WARS2: variants seen among roughly 807,000 people sequenced by gnomAD.
WARS2 encodes the protein tryptophan--tRNA ligase, mitochondrial.
In WARS2, 28 loss-of-function variants were observed where a neutral mutation model predicts 36.5. That is an observed-to-expected ratio of 0.77 (90% CI 0.57 to 1.05). The LOEUF is 1.05. Among genes scored for constraint, WARS2 ranks in the 50% least tolerant of loss-of-function variants. The pLI, the probability that WARS2 is intolerant of heterozygous loss-of-function variation, is 0.00. For missense variants in WARS2, 435 were observed against 456.8 expected, an observed-to-expected ratio of 0.95 and a Z score of 0.44; for synonymous variants, 174 against 178.4, an observed-to-expected ratio of 0.98 and a Z score of 0.20.
At chr1:119,042,933 T>C (rs1182091677) in intron 3 of WARS2, among the ~76,000 whole-genome samples, 3 of 152,220 alleles carry the variant, frequency 2.0e-5, no homozygotes, top group Non-Finnish European at 2.9e-5. Flanking sequence ...TGATTAAGCA[T>C]GCTGAAGCAG....
At position 119,039,625 on chromosome 1, in the gene WARS2, T is replaced by A. The variant is rs572556424; in HGVS notation, c.515+2639A>T. On this transcript the variant is annotated intron_variant, in intron 4 of 5. Coordinates refer to ENST00000235521, the MANE Select transcript of WARS2 (RefSeq NM_015836.4). ...GTATTCAAATTTCTTGTACTTATCA[T>A]ACTCTCAAGCTGAAGATGGTCTCAG... Among the ~76,000 whole-genome samples the A allele has an allele frequency of 3.9e-5, 6 of 152,312 alleles. No homozygotes were observed. In the South Asian group the frequency reaches 1.2e-3, roughly 32 times the overall value.
Position 119,084,499 on chromosome 1 carries a change from A to C in WARS2, c.91-7892T>G, listed in dbSNP as rs180707638. Among the ~76,000 whole-genome samples the C allele has an allele frequency of 8.1e-3, 1,238 of 152,324 alleles. 7 individuals are homozygous for C. Among genetic ancestry groups the C allele is most frequent in the Admixed American group, 0.014 (217 of 15,300 alleles). On this transcript the variant is annotated intron_variant, in intron 1 of 5. Coordinates refer to ENST00000235521, the MANE Select transcript of WARS2 (RefSeq NM_015836.4). ...CGTTGCAAGGAAAAAACTTGGAAAG[A>C]GGCCAATCAAACAAAAAAGTTGTAA...
intron 4 of WARS2, among the ~76,000 whole-genome samples, chr1:119,034,650 C>T (rs1647718568): frequency 6.6e-6 from 1 of 152,194 alleles, no homozygotes; most frequent in South Asian, 2.1e-4. Flanking sequence ...AAATCAAAGG[C>T]AGCAGAAAGT....
At chr1:119,114,436 A>G (rs1474385201) in intron 1 of WARS2, among the ~76,000 whole-genome samples, 1 of 152,232 alleles carries the variant, frequency 6.6e-6, no homozygotes, top group Non-Finnish European at 1.5e-5. Flanking sequence ...GAAGAAAATA[A>G]TAACAAGAAA....
chr1:119,130,876 A>G (rs950586788), intron 1 of WARS2, among the ~76,000 whole-genome samples: 52 of 152,088 alleles, frequency 3.4e-4, no homozygotes, highest in African/African-American at 1.2e-3. Flanking sequence ...CCTGTCTTTC[A>G]TGACTGGTGG....
chr1:119,091,033 A>ATT (rs1653009065), intron 1 of WARS2, among the ~76,000 whole-genome samples: 1 of 152,230 alleles, frequency 6.6e-6, no homozygotes, highest in Admixed American at 6.5e-5. Flanking sequence ...AAGACAGACA[A>ATT]TGTTAAATGA....
intron 1 of WARS2, among the ~76,000 whole-genome samples, chr1:119,132,981 A>T (rs985226605): frequency 2.6e-5 from 4 of 152,178 alleles, no homozygotes; most frequent in African/African-American, 9.7e-5. Flanking sequence ...CTTCTTGAAG[A>T]AAGCACTCTA....
intron 2 of WARS2, among the ~76,000 whole-genome samples, chr1:119,052,929 A>G (rs1489001091): frequency 6.6e-6 from 1 of 152,258 alleles, no homozygotes; most frequent in Non-Finnish European, 1.5e-5. Flanking sequence ...TAGAGCAAAC[A>G]TGCAATGGCT....
intron 1 of WARS2, chr1:119,085,366 C>T: frequency 2.2e-6 from 3 of 1,374,626 alleles, no homozygotes; most frequent in African/African-American, 2.9e-5. Context: ...TTCTTAGGGC[C>T]AGGGTTGTCC....
intron 2 of WARS2, among the ~76,000 whole-genome samples, chr1:119,057,622 T>C (rs896498267): frequency 1.3e-5 from 2 of 151,822 alleles, no homozygotes; most frequent in Non-Finnish European, 2.9e-5. Flanking sequence ...AAACCCCGTC[T>C]CTACTAACAA....
rs1267359330 is a variant in WARS2 at position 119,059,406 on chromosome 1, C to T, written c.349-13744G>A. Among the ~76,000 whole-genome samples, 3 of 152,038 alleles carry T rather than the reference C, an allele frequency of 2.0e-5. No homozygotes were observed. The East Asian group carries it at 5.8e-4, about 29-fold the overall frequency. ...ATTCCTATGTCCTGAATGGTAATGC[C>T]TAGGTTTTCTTCTAGGGTTTTTATG... is the stretch of plus-strand genomic sequence containing the variant. On this transcript the variant is annotated intron_variant, in intron 2 of 5. Coordinates refer to ENST00000235521, the MANE Select transcript of WARS2 (RefSeq NM_015836.4).
chr1:119,066,292 T>C (rs6693390), intron 2 of WARS2, among the ~76,000 whole-genome samples: 123,611 of 151,788 alleles, frequency 0.81, 50,721 homozygotes, highest in East Asian at 0.9. Flanking sequence ...TCCTGGCTAA[T>C]ACGGTGAAAC....
chr1:119,047,907 AATTCTAAAAGGTGC>A (rs1648992408), intron 2 of WARS2, among the ~76,000 whole-genome samples: 1 of 152,238 alleles, frequency 6.6e-6, no homozygotes, highest in Non-Finnish European at 1.5e-5. Flanking sequence ...TCAGACCTCT[AATTCTAAAAGGTGC>A]ATTCTTCAGT....
chr1:119,115,970 C>T (rs1478092436), intron 1 of WARS2, among the ~76,000 whole-genome samples: 3 of 152,174 alleles, frequency 2.0e-5, no homozygotes, highest in Non-Finnish European at 2.9e-5. Flanking sequence ...AAGACTCTCA[C>T]ACCCTCACTA....
At chr1:119,100,989 T>C (rs1325848919) in intron 1 of WARS2, among the ~76,000 whole-genome samples, 1 of 152,124 alleles carries the variant, frequency 6.6e-6, no homozygotes, top group Non-Finnish European at 1.5e-5. Flanking sequence ...CTCACTCATA[T>C]GTAGGAGCTA....
intron 1 of WARS2, among the ~76,000 whole-genome samples, chr1:119,107,102 CTTTG>C (rs1165632221): frequency 2.0e-5 from 3 of 152,036 alleles, no homozygotes; most frequent in East Asian, 1.9e-4. Flanking sequence ...ATCTGTATAT[CTTTG>C]TTTAAGTGTC....
At chr1:119,061,650 G>A (rs915868064) in intron 2 of WARS2, among the ~76,000 whole-genome samples, 2 of 151,998 alleles carry the variant, frequency 1.3e-5, no homozygotes, top group African/African-American at 4.8e-5. Flanking sequence ...GCATTAAAGT[G>A]TTCACAGGTT....
At position 119,087,595 on chromosome 1, in the gene WARS2, T is replaced by C. The variant is rs1652764560; in HGVS notation, c.91-10988A>G. ...AAATTGTTTCTGTGGGAAAGTGGAATCCGAGGTCCATTTTGGACACCAGAA... is the reference window on the plus strand; with the variant it reads ...AAATTGTTTCTGTGGGAAAGTGGAACCCGAGGTCCATTTTGGACACCAGAA... On this transcript the variant is annotated intron_variant, in intron 1 of 5. Coordinates refer to ENST00000235521, the MANE Select transcript of WARS2 (RefSeq NM_015836.4). 2.0e-5 allele frequency among the ~76,000 whole-genome samples: 3 copies of C among 152,224 alleles called. No individual in the cohort carries two copies. The South Asian group carries it at 6.2e-4, about 32-fold the overall frequency.
intron 2 of WARS2, among the ~76,000 whole-genome samples, chr1:119,054,217 T>C (rs1050405970): frequency 6.6e-6 from 1 of 151,766 alleles, no homozygotes; most frequent in Non-Finnish European, 1.5e-5. Flanking sequence ...ATCAACTCGA[T>C]TGAAAAATGG....
Sources: gnomAD v4.1 joint callset for allele counts (sites outside exome capture counted in the v4.1 genomes callset) on GRCh38, gnomAD v4.1.1 for gene constraint, MANE v1.5 for transcripts, NCBI Gene and HGNC (gene_info 2026-07-23, HGNC 2026-07-21) for gene names.